CTNNA2: variants seen among roughly 807,000 people sequenced by gnomAD.
The protein encoded by CTNNA2 is catenin alpha-2.
A neutral mutation model predicts 101.0 loss-of-function variants in CTNNA2; 42 were observed. That is an observed-to-expected ratio of 0.42 (90% confidence interval 0.32 to 0.54). The LOEUF is 0.54. CTNNA2 is among the 20% of genes least tolerant of loss of function. The pLI is 0.14. For missense variants in CTNNA2, 871 were observed against 1,223.1 expected (o/e 0.71, Z 4.29); for synonymous variants, 450 against 456.4 (o/e 0.99, Z 0.18).
intron 13 of CTNNA2, among the ~76,000 whole-genome samples, chr2:80,580,215 A>G (rs72918826): frequency 0.014 from 2,192 of 152,250 alleles, 59 homozygotes; most frequent in African/African-American, 0.05. Flanking sequence ...CTTAGAAAAA[A>G]CGTTGACAGA....
rs112984318 is a variant in CTNNA2, at chr2:79,210,088, T to TTTTGTGTGTGTGTGTGTGTG, written c.-406+12013_-406+12014insTTGTGTGTGTGTGTGTGTGT. ...TTTGAGATTACAGAGTCAAGCTATA[T>TTTTGTGTGTGTGTGTGTGTG]TGTGTGTGTGTGTGTGTGTGTGTGT... is the stretch of plus-strand genomic sequence containing the variant. On this transcript the variant is annotated intron_variant, in intron 2 of 21. Coordinates refer to the CTNNA2 transcript ENST00000466387. Among the ~76,000 whole-genome samples, 1,187 of 144,874 alleles carry TTTTGTGTGTGTGTGTGTGTG rather than the reference T, an allele frequency of 8.2e-3. 24 individuals are homozygous for TTTTGTGTGTGTGTGTGTGTG. Among genetic ancestry groups the TTTTGTGTGTGTGTGTGTGTG allele is most frequent in the African/African-American group, 0.023 (889 of 38,296 alleles).
chr2:80,036,478 G>T (rs1302952064), intron 7 of CTNNA2, among the ~76,000 whole-genome samples: 1 of 152,050 alleles, frequency 6.6e-6, no homozygotes, highest in Non-Finnish European at 1.5e-5. Context: ...GGTGGGATGT[G>T]CCTGTAGTCC....
intron 7 of CTNNA2, among the ~76,000 whole-genome samples, chr2:79,970,212 G>T (rs1422470910): frequency 6.6e-6 from 1 of 152,156 alleles, no homozygotes; most frequent in African/African-American, 2.4e-5. Flanking sequence ...ATGGTAGGAG[G>T]ACAGTAATGG....
At chr2:80,354,769 GT>G (rs753809918) in intron 7 of CTNNA2, among the ~76,000 whole-genome samples, 4 of 152,054 alleles carry the variant, frequency 2.6e-5, no homozygotes, top group Non-Finnish European at 4.4e-5. Context: ...CTAGATCAGT[GT>G]TTCTCAAACT....
At chr2:80,168,535 T>C (rs72926652) in intron 7 of CTNNA2, among the ~76,000 whole-genome samples, 1,783 of 152,224 alleles carry the variant, frequency 0.012, 31 homozygotes, top group African/African-American at 0.041. Context: ...ACCTTCCTAC[T>C]ATTCTCACTC....
chr2:80,611,950 A>G (rs1293220776), intron 17 of CTNNA2, among the ~76,000 whole-genome samples: 1 of 151,598 alleles, frequency 6.6e-6, no homozygotes, highest in Non-Finnish European at 1.5e-5. Context: ...ATTTTAATAG[A>G]TTTTATTACA....
intron 18 of CTNNA2, among the ~76,000 whole-genome samples, chr2:80,640,112 A>G (rs1573542425): frequency 6.6e-6 from 1 of 152,182 alleles, no homozygotes; most frequent in East Asian, 1.9e-4. Flanking sequence ...AAAAAAACAA[A>G]AAAACAAAAA....
At chr2:79,606,465 T>G (rs1411055936) in intron 1 of CTNNA2, among the ~76,000 whole-genome samples, 1 of 152,046 alleles carries the variant, frequency 6.6e-6, no homozygotes, top group Non-Finnish European at 1.5e-5. Flanking sequence ...AGACAGGGTT[T>G]CAGCTTGTTA....
intron 3 of CTNNA2, among the ~76,000 whole-genome samples, chr2:79,774,836 A>G (rs1673845049): frequency 6.6e-6 from 1 of 152,184 alleles, no homozygotes. Flanking sequence ...CTTACCAGGA[A>G]AGGAATAGAT....
intron 12 of CTNNA2, among the ~76,000 whole-genome samples, chr2:80,562,596 C>T (rs967178229): frequency 6.6e-6 from 1 of 152,138 alleles, no homozygotes; most frequent in Non-Finnish European, 1.5e-5. Context: ...TTTTAAAAAT[C>T]TGTTCTTCAG....
chr2:79,394,519 A>G (rs976269691), intron 4 of CTNNA2, among the ~76,000 whole-genome samples: 2 of 152,232 alleles, frequency 1.3e-5, no homozygotes, highest in African/African-American at 4.8e-5. Flanking sequence ...CACTTTGGAA[A>G]GTGTCTGAGG....
chr2:79,291,622 A>G (rs1675818710), intron 2 of CTNNA2, among the ~76,000 whole-genome samples: 1 of 151,948 alleles, frequency 6.6e-6, no homozygotes, highest in African/African-American at 2.4e-5. Context: ...GCTCCCATTT[A>G]CTCAGATGTG....
chr2:79,719,729 G>A (rs895255172), intron 2 of CTNNA2, among the ~76,000 whole-genome samples: 34 of 151,898 alleles, frequency 2.2e-4, no homozygotes, highest in Middle Eastern at 3.4e-3. Flanking sequence ...TCCTTTGCCC[G>A]TTTTAATGCG....
At chr2:79,932,442 C>T (rs1270985992) in intron 7 of CTNNA2, among the ~76,000 whole-genome samples, 3 of 150,660 alleles carry the variant, frequency 2.0e-5, no homozygotes, top group African/African-American at 7.3e-5. Flanking sequence ...ACTCCGGCCA[C>T]CTCTCAGCCA....
At chr2:79,982,382 A>ATG (rs1691423284) in intron 7 of CTNNA2, among the ~76,000 whole-genome samples, 1 of 136,114 alleles carries the variant, frequency 7.3e-6, no homozygotes, top group Non-Finnish European at 1.5e-5. Flanking sequence ...TATAACATAT[A>ATG]TAACATATAT....
At chr2:79,715,362 T>C (rs1244127368) in intron 2 of CTNNA2, among the ~76,000 whole-genome samples, 1 of 152,148 alleles carries the variant, frequency 6.6e-6, no homozygotes, top group Non-Finnish European at 1.5e-5. Context: ...TGCCTTTCTT[T>C]ATATGGTAGA....
intron 4 of CTNNA2, among the ~76,000 whole-genome samples, chr2:79,402,843 G>T (rs1678304510): frequency 6.6e-6 from 1 of 151,620 alleles, no homozygotes; most frequent in Non-Finnish European, 1.5e-5. Context: ...CAAACATATG[G>T]AAATTACACA....
chr2:80,142,643 G>T (rs1293083957), intron 7 of CTNNA2, among the ~76,000 whole-genome samples: 2 of 152,148 alleles, frequency 1.3e-5, no homozygotes, highest in African/African-American at 2.4e-5. Context: ...GAGCAATGAG[G>T]CCATACAAGC....
intron 3 of CTNNA2, among the ~76,000 whole-genome samples, chr2:79,755,205 C>T (rs534369611): frequency 6.6e-6 from 1 of 152,212 alleles, no homozygotes; most frequent in East Asian, 1.9e-4. Context: ...GTGGTGCACA[C>T]CTGTGGTCTC....
Sources: gnomAD v4.1 joint callset for allele counts (sites outside exome capture counted in the v4.1 genomes callset) on GRCh38, gnomAD v4.1.1 for gene constraint, MANE v1.5 for transcripts, NCBI Gene and HGNC (gene_info 2026-07-23, HGNC 2026-07-21) for gene names.